Variants in ZBED1 observed in about 807,000 individuals in gnomAD.
ZBED1 encodes the protein zinc finger BED-type containing 1.
A neutral mutation model predicts 49.7 loss-of-function variants in ZBED1; 19 were observed. The ratio of observed to expected loss-of-function variants is 0.38; its 90% CI spans 0.27 to 0.56. ZBED1 has a LOEUF of 0.56. ZBED1 is among the 20% of genes least tolerant of loss of function. The pLI is 0.70. For missense variants in ZBED1, 806 were observed against 972.6 expected (o/e 0.83, Z 2.28); for synonymous variants, 439 against 440.3 (o/e 1.00, Z 0.04).
chrX:2,489,952 G>C lies in ZBED1; in HGVS notation c.768C>G (p.Ile256Met), dbSNP rs141687518. The C allele has an allele frequency of 6.2e-7, 1 of 1,613,900 alleles. No homozygotes were observed. The highest frequency in any genetic ancestry group is 1.1e-5 in the South Asian group (1 of 91,074). ...AGACCTTGGCGCTGATGCCCCACTC[G>C]ATGAAGACCTCATAGAGCACTCGCG... is the stretch of plus-strand genomic sequence containing the variant. ...TITRVLYEVF[I>M]EWGISAKVFG... Residue 256 changes from isoleucine to methionine, a missense_variant, in exon 2 of 2, where the codon ATC becomes ATG. Coordinates refer to ENST00000652001, the MANE Select transcript of ZBED1 (RefSeq NM_001171136.2).
At chrX:2,498,930 CCTT>C (rs1352803712) in intron 1 of ZBED1, among the ~76,000 whole-genome samples, 5 of 152,148 alleles carry the variant, frequency 3.3e-5, no homozygotes, top group African/African-American at 9.7e-5. Flanking sequence ...CCTTTACTCT[CCTT>C]CTTCTATGCA....
At chrX:2,495,372 G>A (rs1980097257) in intron 1 of ZBED1, among the ~76,000 whole-genome samples, 1 of 151,820 alleles carries the variant, frequency 6.6e-6, no homozygotes, top group South Asian at 2.1e-4. Flanking sequence ...TAATATTATT[G>A]TTATTATTTA....
Position 2,488,779 on chromosome X carries a change from C to G in ZBED1, c.1941G>C (p.Leu647=). The G allele has an allele frequency of 1.9e-6, 3 of 1,613,948 alleles. No individual in the cohort carries two copies. The highest frequency in any genetic ancestry group is 2.5e-6 in the Non-Finnish European group (3 of 1,179,870). ...APAHVDEQVF[L]YENARSGAEA... is the part of the protein sequence containing the mutation. ...CTGCCCCACTCCGGGCGTTCTCATACAGAAACACCTGCTCGTCCACGTGCG... is the reference window on the plus strand; with the variant it reads ...CTGCCCCACTCCGGGCGTTCTCATAGAGAAACACCTGCTCGTCCACGTGCG... The change falls in exon 2 of 2, where the codon CTG becomes CTC. Residue 647 remains leucine, a synonymous_variant. Transcript: ENST00000652001.
chrX:2,489,144 C>T lies in ZBED1; in HGVS notation c.1576G>A (p.Glu526Lys), dbSNP rs1213107201. 3 of 1,613,528 alleles carry T rather than the reference C, an allele frequency of 1.9e-6. No homozygotes were observed. In the African/African-American group the frequency reaches 4.0e-5, roughly 22 times the overall value. ...CGCATGAGCTTCTTGACGGGAGGCT[C>T]CTCGGGCACCGGGAAGATCTTGTCC... ...AEDKIFPVPE[E>K]PPVKKLMRTS... Residue 526 changes from glutamate (E) to lysine (K), a missense_variant, in exon 2 of 2, where the codon GAG becomes AAG. By Grantham distance (56) the Glu-to-Lys change is moderately conservative. Around this residue, in one of 2 missense-constraint regions of ZBED1, gnomAD observed 749 missense variants for 861.3 expected, o/e 0.87. Coordinates refer to ENST00000652001, the MANE Select transcript of ZBED1 (RefSeq NM_001171136.2).
At chrX:2,494,843 C>T (rs185956958) in intron 1 of ZBED1, among the ~76,000 whole-genome samples, 30 of 151,782 alleles carry the variant, frequency 2.0e-4, no homozygotes, top group Admixed American at 1.5e-3. Flanking sequence ...ATTATTATTA[C>T]TGTCATTATT....
Position 2,489,900 on chromosome X carries a change from C to T in ZBED1, c.820G>A (p.Asp274Asn). ...AGCAGGGAGCACGCCTTCACGATGTCCTTGCCATAGTTGGTGGTGGCCCCG... is the reference window on the plus strand; with the variant it reads ...AGCAGGGAGCACGCCTTCACGATGTTCTTGCCATAGTTGGTGGTGGCCCCG... ...VFGATTNYGK[D>N]IVKACSLLDV... The change falls in exon 2 of 2, where the codon GAC becomes AAC. Residue 274 changes from aspartate to asparagine, a missense_variant. Asp to Asn is a conservative substitution (Grantham distance 23). Transcript: ENST00000652001. The T allele has an allele frequency of 1.9e-6, 3 of 1,613,872 alleles. No individual in the cohort carries two copies. The highest frequency in any genetic ancestry group is 1.7e-4 in the Middle Eastern group (1 of 6,056).
intron 1 of ZBED1, among the ~76,000 whole-genome samples, chrX:2,495,369 ATTG>A (rs2045256954): frequency 6.6e-6 from 1 of 151,952 alleles, no homozygotes; most frequent in African/African-American, 2.4e-5. Context: ...TATTAATATT[ATTG>A]TTATTATTTA....
rs986316526 is a variant in ZBED1 at position 2,493,085 on chromosome X, G to C, written c.-53-2313C>G. ...CAGTGCCACTTCCCAAGACTGGGGT[G>C]CAAGGAGGGGGGTCCTGTGGCCAAT... On this transcript the variant is annotated intron_variant, in intron 1 of 1. Coordinates refer to ENST00000652001, the MANE Select transcript of ZBED1 (RefSeq NM_001171136.2). Among the ~76,000 whole-genome samples the C allele has an allele frequency of 4.6e-5, 7 of 152,344 alleles. No individual in the cohort carries two copies. The South Asian group carries it at 1.0e-3, about 23-fold the overall frequency.
rs772087655 is a variant in ZBED1, at chrX:2,489,048, C to T, written c.1672G>A (p.Val558Met). ...GCATGCCACTCTTCCTGGTCCTCCA[C>T]GCCGCCTGTCTGGCAGAAGATCTCG... ...LAEIFCQTGGVEDQEEWHAQV... is the reference protein window; with the variant it reads ...LAEIFCQTGGMEDQEEWHAQV... The change falls in exon 2 of 2, where the codon GTG becomes ATG. Residue 558 changes from valine to methionine, a missense_variant. Val to Met is a conservative substitution (Grantham distance 21). Transcript: ENST00000652001. 40 of 1,613,650 alleles carry T rather than the reference C, an allele frequency of 2.5e-5. No homozygotes were observed. Among genetic ancestry groups the T allele is most frequent in the East Asian group, 4.5e-5 (2 of 44,900 alleles).
At chrX:2,500,591 A>G (rs770164905) in intron 1 of ZBED1, 6,489 of 187,546 alleles carry the variant, frequency 0.035, 449 homozygotes, top group African/African-American at 0.14. Context: ...GGGCCGGGCC[A>G]GGCGCGCAGA....
rs1391180844 is a variant in ZBED1, at chrX:2,488,430, C to A, written c.*205G>T. On this transcript the variant is annotated 3_prime_UTR_variant, in exon 2 of 2. Coordinates refer to ENST00000652001, the MANE Select transcript of ZBED1 (RefSeq NM_001171136.2). ...CCTCAGCTGATCTGCCCACCTCGGC[C>A]TCCCAAAGTGCTGCGATTATAGACA... The A allele has an allele frequency of 3.8e-5, 24 of 623,392 alleles. No individual in the cohort carries two copies. The highest frequency in any genetic ancestry group is 5.9e-5 in the Non-Finnish European group (23 of 387,534). 38.6% of individuals were successfully genotyped at this position (623,392 alleles called of 1,614,324 possible).
chrX:2,490,263 G>T lies in ZBED1; in HGVS notation c.457C>A (p.Leu153Met). The T allele has an allele frequency of 1.2e-6, 2 of 1,613,834 alleles. No homozygotes were observed. Among genetic ancestry groups the T allele is most frequent in the Non-Finnish European group, 1.7e-6 (2 of 1,179,868 alleles). The change falls in exon 2 of 2, where the codon CTG becomes ATG. Residue 153 changes from leucine (L) to methionine (M), a missense_variant. This residue lies in a region of ZBED1 where 749 missense variants were observed against 861.3 expected (regional missense o/e 0.87). Coordinates refer to ENST00000652001, the MANE Select transcript of ZBED1 (RefSeq NM_001171136.2). ...IVDEPTFKVL[L>M]KTADPRYELP... Reference sequence around the variant, plus strand: ...TCATACCGGGGGTCGGCCGTCTTCAGCAGCACCTTGAAGGTGGGCTCGTCC... The same window carrying T: ...TCATACCGGGGGTCGGCCGTCTTCATCAGCACCTTGAAGGTGGGCTCGTCC...
In ZBED1 at chrX:2,489,380, G is replaced by A. The variant is rs1328351396; in HGVS notation, c.1340C>T (p.Ala447Val). The A allele has an allele frequency of 1.2e-6, 2 of 1,613,940 alleles. No homozygotes were observed. Among genetic ancestry groups the A allele is most frequent in the Non-Finnish European group, 1.7e-6 (2 of 1,179,860 alleles). Residue 447 changes from alanine to valine, a missense_variant, in exon 2 of 2, where the codon GCC becomes GTC. Around this residue, in one of 2 missense-constraint regions of ZBED1, gnomAD observed 749 missense variants for 861.3 expected, o/e 0.87. Coordinates refer to ENST00000652001, the MANE Select transcript of ZBED1 (RefSeq NM_001171136.2). Reference sequence around the variant, plus strand: ...AAGCTCCTTGGCGATGACCTCCTTGGCCATGCTGAGCTCCTTGGAGTCGGT... The same window carrying A: ...AAGCTCCTTGGCGATGACCTCCTTGACCATGCTGAGCTCCTTGGAGTCGGT... ...KETDSKELSM[A>V]KEVIAKELSK... is the part of the protein sequence containing the mutation.
chrX:2,496,505 T>G (rs1265536976), intron 1 of ZBED1, among the ~76,000 whole-genome samples: 2 of 152,126 alleles, frequency 1.3e-5, no homozygotes, highest in African/African-American at 4.8e-5. Flanking sequence ...GGCCCGCCAA[T>G]AGAGATTTTA....
chrX:2,488,732 T>C lies in ZBED1; in HGVS notation c.1988A>G (p.Asp663Gly), dbSNP rs1010929970. The C allele has an allele frequency of 5.0e-6, 8 of 1,613,806 alleles. No individual in the cohort carries two copies. The highest frequency in any genetic ancestry group is 1.3e-5 in the African/African-American group (1 of 74,918). The change falls in exon 2 of 2, where the codon GAC (aspartate) becomes GGC (glycine). Residue 663 changes from aspartate to glycine, a missense_variant. By Grantham distance (94) the Asp-to-Gly change is moderately conservative (BLOSUM62 -1). Coordinates refer to ENST00000652001, the MANE Select transcript of ZBED1 (RefSeq NM_001171136.2). ...SGAEAEPEDQ[D>G]EGEWGLDQEQ... ...CTGGTCCAGGCCCCACTCCCCCTCG[T>C]CCTGGTCCTCGGGTTCCGCCTCTGC...
intron 1 of ZBED1, among the ~76,000 whole-genome samples, chrX:2,491,092 CAG>C (rs1278981416): frequency 9.0e-6 from 1 of 111,436 alleles, no homozygotes; most frequent in Non-Finnish European, 1.7e-5. Context: ...TTTTTTGAGA[CAG>C]AGTTTCGCTC....
rs773835779 is a variant in ZBED1, at chrX:2,488,631, C to G, written c.*4G>C. ...GATGACTTGTAAGACAACACGCTTCCTCGCTACAGGAAGCTGCTGTCCCTA... is the reference window on the plus strand; with the variant it reads ...GATGACTTGTAAGACAACACGCTTCGTCGCTACAGGAAGCTGCTGTCCCTA... On this transcript the variant is annotated 3_prime_UTR_variant, in exon 2 of 2. Transcript: ENST00000652001. The G allele has an allele frequency of 6.3e-7, 1 of 1,590,250 alleles. No homozygotes were observed. The highest frequency in any genetic ancestry group is 1.4e-5 in the African/African-American group (1 of 73,990).
rs2045041519 is a variant in ZBED1 at position 2,489,055 on chromosome X, T to C, written c.1665A>G (p.Thr555=). 3.7e-6 allele frequency: 6 copies of C among 1,613,864 alleles called. No homozygotes were observed. Among genetic ancestry groups the C allele is most frequent in the South Asian group, 1.1e-5 (1 of 91,060 alleles). The change falls in exon 2 of 2, where the codon ACA becomes ACG. Residue 555 remains threonine, a synonymous_variant. Transcript: ENST00000652001. ...NNMLAEIFCQ[T]GGVEDQEEWH... is the part of the protein sequence containing the mutation. ...ACTCTTCCTGGTCCTCCACGCCGCC[T>C]GTCTGGCAGAAGATCTCGGCCAGCA...
At chrX:2,496,607 C>A (rs999983102) in intron 1 of ZBED1, among the ~76,000 whole-genome samples, 15 of 152,202 alleles carry the variant, frequency 9.9e-5, no homozygotes, top group African/African-American at 3.6e-4. Context: ...GAATCAAACA[C>A]CACCTGTTCC....
Sources: allele counts gnomAD v4.1 joint callset (sites outside exome capture counted in the v4.1 genomes callset), GRCh38; gene constraint gnomAD v4.1.1; regional missense constraint gnomAD v4.1.1; transcripts MANE v1.5; gene names NCBI Gene and HGNC (gene_info 2026-07-23, HGNC 2026-07-21).